Variants in SEPTIN10 observed in about 807,000 individuals in gnomAD.
SEPTIN10 encodes the protein septin-10.
SEPTIN10 carries 66 observed loss-of-function variants against 54.8 expected under a neutral mutation model. That is an observed-to-expected ratio of 1.21 (90% CI 0.99 to 1.48). The LOEUF (loss-of-function observed/expected upper bound fraction) is 1.48. SEPTIN10 is among the 40% of genes most tolerant of loss of function. SEPTIN10 has a pLI of 0.00. For synonymous variants in SEPTIN10, 161 were observed against 181.0 expected (o/e 0.89, Z 0.89); for missense variants, 620 against 545.6 (o/e 1.14, Z -1.36).
chr2:109,571,215 AGT>A (rs1238325473), intron 5 of SEPTIN10, among the ~76,000 whole-genome samples: 1 of 152,236 alleles, frequency 6.6e-6, no homozygotes, highest in African/African-American at 2.4e-5. Flanking sequence ...AGGAACTGTA[AGT>A]CAATTAAACC....
intron 8 of SEPTIN10, among the ~76,000 whole-genome samples, chr2:109,562,700 C>T (rs1344335942): frequency 6.6e-6 from 1 of 152,158 alleles, no homozygotes; most frequent in East Asian, 1.9e-4. Flanking sequence ...CCTTCCACCT[C>T]AGTGCACAGA....
intron 1 of SEPTIN10, among the ~76,000 whole-genome samples, chr2:109,596,486 A>G (rs1684242863): frequency 6.6e-6 from 1 of 152,028 alleles, no homozygotes; most frequent in Non-Finnish European, 1.5e-5. Context: ...GCGTGCTGGC[A>G]GGCACCTGTA....
Position 109,585,710 on chromosome 2 carries a change from G to C in SEPTIN10, c.217+11C>G. On this transcript the variant is annotated intron_variant, in intron 3 of 10. Transcript: ENST00000397712. ...AAGGAACAACTTAGAGGAAGAGTAG[G>C]TGGCACGTACCCACACAGAGAATAT... The C allele has an allele frequency of 6.4e-7, 1 of 1,563,184 alleles. No homozygotes were observed. The highest frequency in any genetic ancestry group is 8.8e-7 in the Non-Finnish European group (1 of 1,135,094).
At chr2:109,569,154 C>T (rs970014675) in intron 5 of SEPTIN10, among the ~76,000 whole-genome samples, 3 of 152,144 alleles carry the variant, frequency 2.0e-5, no homozygotes, top group East Asian at 3.9e-4. Flanking sequence ...ATTGACTGGG[C>T]GTGGTGGCTC....
rs771349036 is a variant in SEPTIN10 at position 109,553,239 on chromosome 2, A to G, written c.1029-20T>C. The stretch of plus-strand genomic sequence containing the variant: ...TGAACACTAAAAAGTTATTTGTGTT[A>G]CTCTCCTGCTAAAAAGTGATATAGG... On this transcript the variant is annotated intron_variant, in intron 8 of 10. Transcript: ENST00000397712. 3 of 1,612,038 alleles carry G rather than the reference A, an allele frequency of 1.9e-6. No homozygotes were observed. The highest frequency in any genetic ancestry group is 2.5e-6 in the Non-Finnish European group (3 of 1,179,438).
chr2:109,581,751 C>T (rs1691201970), intron 4 of SEPTIN10, among the ~76,000 whole-genome samples: 1 of 152,010 alleles, frequency 6.6e-6, no homozygotes, highest in Non-Finnish European at 1.5e-5. Flanking sequence ...GAAAGCATTC[C>T]CCTTGAGAAC....
At chr2:109,562,877 G>A (rs1264504476) in intron 8 of SEPTIN10, among the ~76,000 whole-genome samples, 1 of 151,958 alleles carries the variant, frequency 6.6e-6, no homozygotes, top group East Asian at 1.9e-4. Flanking sequence ...TCCTATGCCT[G>A]AATTTGGTGA....
chr2:109,565,864 A>C lies in SEPTIN10; in HGVS notation c.763-5T>G, dbSNP rs1432778560. The C allele has an allele frequency of 6.2e-7, 1 of 1,612,946 alleles. No homozygotes were observed. Among genetic ancestry groups the C allele is most frequent in the Non-Finnish European group, 8.5e-7 (1 of 1,179,074 alleles). On this transcript the variant is annotated splice_region_variant and splice_polypyrimidine_tract_variant and intron_variant, in intron 6 of 10. Coordinates refer to ENST00000397712, the MANE Select transcript of SEPTIN10 (RefSeq NM_144710.5). Reference sequence around the variant, plus strand: ...AACAGCAAACGGCAACTGTCCCTGAAAAAGAATATCGAGCACATCTTCTCA... The same window carrying C: ...AACAGCAAACGGCAACTGTCCCTGACAAAGAATATCGAGCACATCTTCTCA...
At chr2:109,577,147 T>G (rs1023416842) in intron 4 of SEPTIN10, among the ~76,000 whole-genome samples, 1 of 151,178 alleles carries the variant, frequency 6.6e-6, no homozygotes, top group Non-Finnish European at 1.5e-5. Context: ...CAGGAGAGAG[T>G]GGAATGATAT....
chr2:109,574,582 T>C lies in SEPTIN10; in HGVS notation c.599A>G (p.Lys200Arg), dbSNP rs749945195. The change falls in exon 5 of 11, where the codon AAG (lysine) becomes AGG (arginine). Residue 200 changes from lysine (K) to arginine (R), a missense_variant and splice_region_variant. Coordinates refer to ENST00000397712, the MANE Select transcript of SEPTIN10 (RefSeq NM_144710.5). ...AGTTGATTCCTTTCCTCAACCCACC[T>C]TGCTGTCAAGGTTCTTCATGGTTAA... ...DLLTMKNLDS[K>R]VNIIPVIAKA... The C allele has an allele frequency of 4.6e-6, 7 of 1,518,482 alleles. No individual in the cohort carries two copies. The South Asian group carries it at 8.4e-5, about 18-fold the overall frequency. 94.1% of individuals were successfully genotyped at this position (1,518,482 alleles called of 1,614,324 possible). A position where few individuals can be genotyped will look rare whatever the true frequency, so the allele number is the denominator to read the frequency against.
chr2:109,612,790 G>A (rs1699534411), intron 1 of SEPTIN10, among the ~76,000 whole-genome samples: 1 of 152,116 alleles, frequency 6.6e-6, no homozygotes, highest in Non-Finnish European at 1.5e-5. Flanking sequence ...TAAAAAATAC[G>A]CGATAGAATG....
At chr2:109,546,441 C>A (rs1681271309) in intron 9 of SEPTIN10, among the ~76,000 whole-genome samples, 1 of 151,694 alleles carries the variant, frequency 6.6e-6, no homozygotes, top group Non-Finnish European at 1.5e-5. Flanking sequence ...AAATGAGTTC[C>A]CATGCAAAAA....
intron 4 of SEPTIN10, among the ~76,000 whole-genome samples, chr2:109,577,638 G>A (rs1199173451): frequency 6.6e-6 from 1 of 151,134 alleles, no homozygotes; most frequent in Non-Finnish European, 1.5e-5. Context: ...AACTCGGTCG[G>A]ATAGTGGCTC....
chr2:109,557,180 T>A (rs1049095665), intron 8 of SEPTIN10, among the ~76,000 whole-genome samples: 13 of 151,902 alleles, frequency 8.6e-5, no homozygotes, highest in African/African-American at 1.7e-4. Flanking sequence ...TAAAAAAAAA[T>A]TTAAAAAAAA....
intron 8 of SEPTIN10, among the ~76,000 whole-genome samples, chr2:109,555,523 G>C (rs1010399499): frequency 6.6e-6 from 1 of 152,194 alleles, no homozygotes; most frequent in Non-Finnish European, 1.5e-5. Context: ...TATACCACTG[G>C]AGGCTATATT....
intron 8 of SEPTIN10, among the ~76,000 whole-genome samples, chr2:109,554,086 T>C (rs956119417): frequency 6.6e-6 from 1 of 152,032 alleles, no homozygotes; most frequent in African/African-American, 2.4e-5. Context: ...TATTAAACAC[T>C]GAAATAAATG....
chr2:109,593,163 C>A, intron 1 of SEPTIN10, 44 bp from the exon 2 acceptor site: 1 of 1,283,112 alleles, frequency 7.8e-7, no homozygotes, highest in Non-Finnish European at 1.1e-6. Context: ...AGAAACATTA[C>A]TCCCCAAACC....
chr2:109,598,249 T>C lies in SEPTIN10; in HGVS notation c.31-5130A>G, dbSNP rs566853819. Among the ~76,000 whole-genome samples the C allele has an allele frequency of 2.6e-5, 4 of 151,960 alleles. No homozygotes were observed. In the East Asian group the frequency reaches 7.9e-4, roughly 30 times the overall value. ...CACCTGGCTAACTTTTGTATTTTTA[T>C]TAGAGACAGGGTTTCTCCACGTTGG... On this transcript the variant is annotated intron_variant, in intron 1 of 10. Transcript: ENST00000397712.
intron 8 of SEPTIN10, among the ~76,000 whole-genome samples, chr2:109,557,226 G>A (rs1469847157): frequency 6.6e-6 from 1 of 151,998 alleles, no homozygotes; most frequent in Non-Finnish European, 1.5e-5. Flanking sequence ...ACAAACATAA[G>A]TTTTTTAAAA....
Sources: gnomAD v4.1 joint callset for allele counts (sites outside exome capture counted in the v4.1 genomes callset) on GRCh38, gnomAD v4.1.1 for gene constraint, MANE v1.5 for transcripts, NCBI Gene and HGNC (gene_info 2026-07-23, HGNC 2026-07-21) for gene names.